The following SCAF11 variants were observed in gnomAD, a reference collection of about 807,000 sequenced individuals.
SCAF11 encodes protein SCAF11.
SCAF11 carries 47 observed loss-of-function variants against 140.5 expected under a neutral mutation model. That is an observed-to-expected ratio of 0.33 (90% CI 0.26 to 0.43). SCAF11 has a LOEUF of 0.43. SCAF11 is among the 20% of genes least tolerant of loss of function. SCAF11 has a pLI of 1.00. For missense variants in SCAF11, 1,645 were observed against 1,705.1 expected (o/e 0.96, Z 0.62); for synonymous variants, 557 against 579.4 (o/e 0.96, Z 0.55).
At chr12:45,978,766 T>C (rs908592114) in intron 1 of SCAF11, among the ~76,000 whole-genome samples, 1 of 152,090 alleles carries the variant, frequency 6.6e-6, no homozygotes, top group Non-Finnish European at 1.5e-5. Flanking sequence ...GAAATGACAA[T>C]GCCTGTCCAT....
chr12:45,930,830 T>C (rs971125094), intron 10 of SCAF11: 6 of 152,218 alleles, frequency 3.9e-5, no homozygotes, highest in South Asian at 4.1e-4. Context: ...ATTAATGACA[T>C]ACCTTTTTCT....
intron 2 of SCAF11, among the ~76,000 whole-genome samples, chr12:45,963,805 C>T (rs1024129643): frequency 5.3e-5 from 8 of 152,064 alleles, no homozygotes; most frequent in Non-Finnish European, 1.0e-4. Flanking sequence ...ACAGTACCAA[C>T]GCTAACTTTT....
chr12:45,922,930 A>G lies in SCAF11; in HGVS notation c.4125+6T>C. ...TTATGAAGGTTGCTCTCAACCTTGA[A>G]CTTGCCTTGTCTGTCTTCGAGCTAT... On this transcript the variant is annotated splice_donor_region_variant and intron_variant, in intron 13 of 14. Transcript: ENST00000369367. 6.2e-7 allele frequency: 1 copy of G among 1,613,574 alleles called. No homozygotes were observed. The highest frequency in any genetic ancestry group is 8.5e-7 in the Non-Finnish European group (1 of 1,179,442).
chr12:45,925,076 T>A lies in SCAF11; in HGVS notation c.3560-2A>T. On this transcript the variant is annotated splice_acceptor_variant, in intron 11 of 14. Coordinates refer to ENST00000369367, the MANE Select transcript of SCAF11 (RefSeq NM_004719.3). LOFTEE classifies it high-confidence loss of function. ...TTGTTTGGTCTTTTAGGCTAGAATC[T>A]ATCAAAAGAAAAAAAGCTTGTGAAA... 6.3e-7 allele frequency: 1 copy of A among 1,587,560 alleles called. No homozygotes were observed. The highest frequency in any genetic ancestry group is 1.8e-5 in the Admixed American group (1 of 55,080).
At chr12:45,975,090 T>C (rs1946204552) in intron 1 of SCAF11, 1 of 152,236 alleles carries the variant, frequency 6.6e-6, no homozygotes, top group Non-Finnish European at 1.5e-5. Context: ...GAGCATTTGG[T>C]CTCAACAGTG....
At position 45,931,497 on chromosome 12, in the gene SCAF11, A is replaced by G. The variant is rs1945044091; in HGVS notation, c.841+9T>C. 1.5e-6 allele frequency: 2 copies of G among 1,339,792 alleles called. No individual in the cohort carries two copies. Among genetic ancestry groups the G allele is most frequent in the African/African-American group, 3.0e-5 (2 of 65,782 alleles). The allele number at this position is 1,339,792 out of a possible 1,614,324, so 83.0% of individuals were successfully genotyped here. A position where few individuals can be genotyped will look rare whatever the true frequency, so the allele number is the denominator to read the frequency against. On this transcript the variant is annotated intron_variant, in intron 10 of 14. Transcript: ENST00000369367. The stretch of plus-strand genomic sequence containing the variant: ...TTTTTAAAATAGAAAATGATTTCAC[A>G]AACTTTACCAAAATGTTCGAAAGAT...
At chr12:45,983,917 T>G (rs1224711857) in intron 1 of SCAF11, among the ~76,000 whole-genome samples, 2 of 152,208 alleles carry the variant, frequency 1.3e-5, no homozygotes, top group African/African-American at 4.8e-5. Context: ...AATAGAGATG[T>G]GAGTCTTAAG....
At chr12:45,976,670 T>C (rs1239345686) in intron 1 of SCAF11, among the ~76,000 whole-genome samples, 5 of 151,860 alleles carry the variant, frequency 3.3e-5, no homozygotes, top group Admixed American at 2.0e-4. Flanking sequence ...AAACAGAAAA[T>C]AGACTTGAAC....
At chr12:45,980,767 T>C (rs1185426054) in intron 1 of SCAF11, among the ~76,000 whole-genome samples, 1 of 152,134 alleles carries the variant, frequency 6.6e-6, no homozygotes, top group African/African-American at 2.4e-5. Context: ...CTCTATTTAG[T>C]GAGTGACTCT....
intron 14 of SCAF11, 32 bp downstream of exon 14, chr12:45,922,431 C>A: frequency 1.3e-6 from 2 of 1,587,032 alleles, no homozygotes; most frequent in Non-Finnish European, 1.7e-6. Context: ...TTCAAAACAA[C>A]GTGCACATAC....
intron 10 of SCAF11, 23 bp downstream of exon 10, chr12:45,931,483 G>C: frequency 2.5e-6 from 3 of 1,187,846 alleles, no homozygotes; most frequent in East Asian, 2.9e-5. Flanking sequence ...TTTTAAAATA[G>C]AAAATGATTT....
chr12:45,920,208 A>G lies in SCAF11; in HGVS notation c.*1840T>C, dbSNP rs1034965217. 7.2e-5 allele frequency: 11 copies of G among 152,348 alleles called. No individual in the cohort carries two copies. Among genetic ancestry groups the G allele is most frequent in the African/African-American group, 2.6e-4 (11 of 41,592 alleles). The allele number at this position is 152,348 out of a possible 1,614,324, so 9.4% of individuals were successfully genotyped here. A position where few individuals can be genotyped will look rare whatever the true frequency, so the allele number is the denominator to read the frequency against. On this transcript the variant is annotated 3_prime_UTR_variant, in exon 15 of 15. Transcript: ENST00000369367. The stretch of plus-strand genomic sequence containing the variant: ...TGGAAATATTTTTATGATTACACTC[A>G]TAACAACAAAGCTTATGAACTAGCA...
intron 1 of SCAF11, among the ~76,000 whole-genome samples, chr12:45,987,233 T>A (rs1272550559): frequency 1.3e-5 from 2 of 152,134 alleles, no homozygotes; most frequent in Admixed American, 1.3e-4. Context: ...CGAGATGCTA[T>A]CTGAAAGCAA....
intron 2 of SCAF11, 112 bp from the exon 3 acceptor site, chr12:45,961,969 A>C (rs1269604362): frequency 1.5e-6 from 1 of 649,150 alleles, no homozygotes; most frequent in African/African-American, 1.9e-5. Context: ...CTATAAAGCA[A>C]ATAGATCTTA....
At chr12:45,934,341 G>T in intron 7 of SCAF11, 56 bp from the exon 8 acceptor site, 4 of 1,370,008 alleles carry the variant, frequency 2.9e-6, no homozygotes, top group Non-Finnish European at 4.1e-6. Context: ...GTAAATAATA[G>T]TTATACTTAA....
chr12:45,938,831 T>C (rs1483070415), intron 6 of SCAF11, among the ~76,000 whole-genome samples: 4 of 149,492 alleles, frequency 2.7e-5, no homozygotes, highest in Non-Finnish European at 4.4e-5. Context: ...ATGGATCTAG[T>C]ATGTACTTAA....
At chr12:45,933,378 A>C (rs1490652711) in intron 8 of SCAF11, 146 bp from the exon 9 acceptor site, 2 of 495,760 alleles carry the variant, frequency 4.0e-6, no homozygotes, top group Non-Finnish European at 3.6e-6. Flanking sequence ...CTATTTAAAC[A>C]CTTTCAAAAT....
At chr12:45,948,303 A>C (rs984461837) in intron 5 of SCAF11, 134 bp downstream of exon 5, 19 of 606,870 alleles carry the variant, frequency 3.1e-5, no homozygotes, top group Non-Finnish European at 4.3e-5. Context: ...GTCCCTCCTT[A>C]AATTATCAAG....
intron 3 of SCAF11, chr12:45,961,467 GTTA>G (rs967065949): frequency 2.4e-5 from 14 of 584,978 alleles, no homozygotes; most frequent in South Asian, 1.2e-4. Context: ...TTCCTATAAG[GTTA>G]TTAACTTTTT....
Sources: gnomAD v4.1 joint callset for allele counts (sites outside exome capture counted in the v4.1 genomes callset) on GRCh38, gnomAD v4.1.1 for gene constraint, MANE v1.5 for transcripts, NCBI Gene and HGNC (gene_info 2026-07-23, HGNC 2026-07-21) for gene names.